Variants in TAFA5 observed in about 807,000 individuals in gnomAD.
The protein encoded by TAFA5 is chemokine-like protein TAFA-5.
Under a neutral mutation model 15.3 loss-of-function variants are expected in TAFA5, and 6 were observed. That is an observed-to-expected ratio of 0.39 (90% confidence interval 0.21 to 0.77). The LOEUF (loss-of-function observed/expected upper bound fraction) is 0.77. Among genes scored for constraint, TAFA5 ranks in the 30% least tolerant of loss-of-function variants. TAFA5 has a pLI of 0.41. For missense variants in TAFA5, 161 were observed against 193.1 expected, an observed-to-expected ratio of 0.83 and a Z score of 0.98; for synonymous variants, 103 against 80.7, an observed-to-expected ratio of 1.28 and a Z score of -1.48.
intron 1 of TAFA5, among the ~76,000 whole-genome samples, chr22:48,630,931 G>C (rs555691373): frequency 2.0e-5 from 3 of 152,202 alleles, no homozygotes; most frequent in Non-Finnish European, 4.4e-5. Context: ...CCCGGCGTGC[G>C]TGCTGGCTCT....
At chr22:48,542,176 G>A (rs1922414062) in intron 1 of TAFA5, among the ~76,000 whole-genome samples, 1 of 136,984 alleles carries the variant, frequency 7.3e-6, no homozygotes, top group Non-Finnish European at 1.5e-5. Flanking sequence ...GTGCATGTGT[G>A]ATGTGTGTGT....
Position 48,551,204 on chromosome 22 carries a change from G to A in TAFA5, c.112+61500G>A, listed in dbSNP as rs1161688275. ...AGACCCCTCAGCCTGGGCTCCCAGG[G>A]CCCCTGACCCTGACCTGGACAAGGC... On this transcript the variant is annotated intron_variant, in intron 1 of 3. Coordinates refer to ENST00000402357, the MANE Select transcript of TAFA5 (RefSeq NM_001082967.3). 3.3e-5 allele frequency among the ~76,000 whole-genome samples: 5 copies of A among 152,098 alleles called. No homozygotes were observed. The East Asian group carries it at 7.8e-4, about 24-fold the overall frequency.
intron 2 of TAFA5, among the ~76,000 whole-genome samples, chr22:48,672,554 A>C (rs1057002698): frequency 6.6e-6 from 1 of 152,202 alleles, no homozygotes. Flanking sequence ...CTGGGTATAG[A>C]ATTACAGCAC....
At chr22:48,518,248 A>G (rs1921483799) in intron 1 of TAFA5, among the ~76,000 whole-genome samples, 1 of 152,090 alleles carries the variant, frequency 6.6e-6, no homozygotes, top group Non-Finnish European at 1.5e-5. Flanking sequence ...TTCAGACCTG[A>G]TTCTCCCTCC....
At chr22:48,684,102 C>T (rs180871632) in intron 2 of TAFA5, among the ~76,000 whole-genome samples, 29 of 152,008 alleles carry the variant, frequency 1.9e-4, no homozygotes, top group Admixed American at 5.2e-4. Context: ...CCCAAGGCCC[C>T]GAGTCTCCTT....
At chr22:48,553,215 A>C (rs571294923) in intron 1 of TAFA5, among the ~76,000 whole-genome samples, 1 of 151,820 alleles carries the variant, frequency 6.6e-6, no homozygotes, top group Non-Finnish European at 1.5e-5. Context: ...TTGACTCCAC[A>C]GGCCCCCCGC....
intron 2 of TAFA5, among the ~76,000 whole-genome samples, chr22:48,677,281 C>T (rs2147226536): frequency 6.6e-6 from 1 of 152,360 alleles, no homozygotes; most frequent in Non-Finnish European, 1.5e-5. Context: ...GGGAGCAGGA[C>T]CCTGCCCGCC....
intron 1 of TAFA5, among the ~76,000 whole-genome samples, chr22:48,575,500 G>C (rs1412798117): frequency 6.8e-6 from 1 of 146,096 alleles, no homozygotes; most frequent in Non-Finnish European, 1.5e-5. Flanking sequence ...AGCCGGCGCC[G>C]AGCCGAGCGG....
intron 3 of TAFA5, among the ~76,000 whole-genome samples, chr22:48,714,983 C>T (rs1050702411): frequency 1.3e-5 from 2 of 152,222 alleles, no homozygotes; most frequent in South Asian, 2.1e-4. Flanking sequence ...TTTCCTTCTC[C>T]CTTTTCTTAT....
chr22:48,511,520 G>A (rs1019186400), intron 1 of TAFA5, among the ~76,000 whole-genome samples: 2 of 152,214 alleles, frequency 1.3e-5, no homozygotes, highest in South Asian at 2.1e-4. Flanking sequence ...CTGCAGGTCT[G>A]CAGAAAGCCA....
chr22:48,668,703 G>A (rs535614113), intron 2 of TAFA5, among the ~76,000 whole-genome samples: 6 of 150,154 alleles, frequency 4.0e-5, no homozygotes, highest in South Asian at 2.1e-4. Context: ...TCGGGGCCGC[G>A]TTTTCACTGG....
chr22:48,686,832 TTGA>T (rs2147234486), intron 2 of TAFA5, among the ~76,000 whole-genome samples: 1 of 144,506 alleles, frequency 6.9e-6, no homozygotes, highest in East Asian at 2.1e-4. Flanking sequence ...GATGGACTGA[TTGA>T]TGGATGGATG....
chr22:48,656,192 C>G (rs963292325), intron 2 of TAFA5, among the ~76,000 whole-genome samples: 1 of 152,062 alleles, frequency 6.6e-6, no homozygotes, highest in African/African-American at 2.4e-5. Context: ...TCTGCTAGAA[C>G]CACCCTTGTG....
rs554905438 is a variant in TAFA5 at position 48,596,515 on chromosome 22, C to T, written c.113-50082C>T. ...ATGTTTTAGGGCAGTTGTAGGGTTA[C>T]AGAAAAATGGAGCAGATGGCAGTTT... On this transcript the variant is annotated intron_variant, in intron 1 of 3. Transcript: ENST00000402357. Among the ~76,000 whole-genome samples the T allele has an allele frequency of 3.3e-4, 50 of 152,310 alleles. 1 individual carries two copies. The highest frequency in any genetic ancestry group is 6.8e-3 in the Middle Eastern group (2 of 294).
chr22:48,562,298 C>T (rs992529968), intron 1 of TAFA5, among the ~76,000 whole-genome samples: 6 of 152,250 alleles, frequency 3.9e-5, no homozygotes, highest in African/African-American at 1.2e-4. Flanking sequence ...CCACTATGCC[C>T]GGCTAATTTT....
At chr22:48,510,194 G>T (rs1014734897) in intron 1 of TAFA5, among the ~76,000 whole-genome samples, 1 of 152,058 alleles carries the variant, frequency 6.6e-6, no homozygotes, top group Non-Finnish European at 1.5e-5. Flanking sequence ...CAGACAATTG[G>T]GATTACACCA....
chr22:48,593,091 C>T (rs1040541199), intron 1 of TAFA5, among the ~76,000 whole-genome samples: 6 of 152,308 alleles, frequency 3.9e-5, no homozygotes, highest in African/African-American at 1.2e-4. Context: ...CGACAGGAGC[C>T]GCAGCAGACG....
Position 48,749,884 on chromosome 22 carries a change from G to A in TAFA5, c.*37G>A. The A allele has an allele frequency of 6.5e-7, 1 of 1,549,536 alleles. No homozygotes were observed. On this transcript the variant is annotated 3_prime_UTR_variant, in exon 4 of 4. Coordinates refer to ENST00000402357, the MANE Select transcript of TAFA5 (RefSeq NM_001082967.3). The stretch of plus-strand genomic sequence containing the variant: ...CCTGAGGGGCCCCGGGAGTGGCCTT[G>A]GCTCCCTGGAGAGCCCACGTCTCAG...
At chr22:48,544,851 G>A (rs1185996461) in intron 1 of TAFA5, 1 of 471,112 alleles carries the variant, frequency 2.1e-6, no homozygotes, top group African/African-American at 2.0e-5. Context: ...TGAGGTGAGA[G>A]AGCCCTGAGG....
Sources: gnomAD v4.1 joint callset for allele counts (sites outside exome capture counted in the v4.1 genomes callset) on GRCh38, gnomAD v4.1.1 for gene constraint, MANE v1.5 for transcripts, NCBI Gene and HGNC (gene_info 2026-07-23, HGNC 2026-07-21) for gene names.